The following OR6N1 variants were observed in gnomAD, a reference collection of about 807,000 sequenced individuals.
OR6N1 encodes the protein olfactory receptor family 6 subfamily N member 1.
For missense variants in OR6N1, 394 were observed against 371.7 expected, an observed-to-expected ratio of 1.06 and a Z score of -0.49; for synonymous variants, 170 against 150.7, an observed-to-expected ratio of 1.13 and a Z score of -0.94.
the OR6N1 span, among the ~76,000 whole-genome samples, chr1:158,784,355 G>T: frequency 1.3e-5 from 2 of 152,118 alleles, no homozygotes; most frequent in Admixed American, 6.5e-5. Flanking sequence ...TGTATACATT[G>T]TGTAATAATC....
chr1:158,810,668 C>A, the OR6N1 span, among the ~76,000 whole-genome samples: 17 of 152,132 alleles, frequency 1.1e-4, no homozygotes, highest in Non-Finnish European at 1.9e-4. Context: ...AAATCCAACT[C>A]GTATATCCTT....
the OR6N1 span, among the ~76,000 whole-genome samples, chr1:158,816,637 C>G: frequency 1.3e-5 from 2 of 151,984 alleles, no homozygotes; most frequent in Non-Finnish European, 2.9e-5. Flanking sequence ...CTTCAGTGAG[C>G]CGAGATGTGC....
chr1:158,772,711 A>G (rs1460997109), upstream of OR6N1, among the ~76,000 whole-genome samples: 2 of 152,182 alleles, frequency 1.3e-5, no homozygotes, highest in African/African-American at 4.8e-5. Flanking sequence ...CTCTAGTGTT[A>G]TCTGCTCCGT....
At chr1:158,837,085 C>T in the OR6N1 span, among the ~76,000 whole-genome samples, 2 of 151,770 alleles carry the variant, frequency 1.3e-5, no homozygotes, top group African/African-American at 4.8e-5. Context: ...AAACGTTTAA[C>T]ATTTATTAAC....
chr1:158,826,231 A>G, the OR6N1 span, among the ~76,000 whole-genome samples: 10 of 152,158 alleles, frequency 6.6e-5, no homozygotes, highest in African/African-American at 2.2e-4. Flanking sequence ...CACAGAGTTT[A>G]CCTATATAAC....
the OR6N1 span, among the ~76,000 whole-genome samples, chr1:158,819,289 G>T: frequency 6.6e-6 from 1 of 152,208 alleles, no homozygotes. Flanking sequence ...CCCTTCCCCA[G>T]GCCTGATTAG....
chr1:158,830,573 T>C, the OR6N1 span, among the ~76,000 whole-genome samples: 2 of 152,302 alleles, frequency 1.3e-5, no homozygotes, highest in East Asian at 3.9e-4. Context: ...TATGATACTT[T>C]GTAGTGCACC....
the OR6N1 span, among the ~76,000 whole-genome samples, chr1:158,821,746 T>A: frequency 6.6e-6 from 1 of 152,190 alleles, no homozygotes; most frequent in South Asian, 2.1e-4. Flanking sequence ...TATAATCATG[T>A]CTGAAGGCTT....
At chr1:158,785,510 C>A in the OR6N1 span, among the ~76,000 whole-genome samples, 1 of 148,308 alleles carries the variant, frequency 6.7e-6, no homozygotes, top group Non-Finnish European at 1.5e-5. Flanking sequence ...CCTATAAATT[C>A]TCCTAACAAT....
the OR6N1 span, among the ~76,000 whole-genome samples, chr1:158,820,656 A>T: frequency 6.6e-6 from 1 of 152,198 alleles, no homozygotes. Flanking sequence ...AAGGGCTAAA[A>T]TCCCAAACAG....
At chr1:158,822,295 G>A in the OR6N1 span, among the ~76,000 whole-genome samples, 6 of 152,256 alleles carry the variant, frequency 3.9e-5, no homozygotes, top group African/African-American at 1.4e-4. Flanking sequence ...GCTTTAGGCA[G>A]TATTGCAATT....
the OR6N1 span, among the ~76,000 whole-genome samples, chr1:158,828,220 C>G: frequency 6.6e-6 from 1 of 152,150 alleles, no homozygotes; most frequent in African/African-American, 2.4e-5. Flanking sequence ...ATTTCAAAAC[C>G]CATCATGCCT....
At chr1:158,766,754 C>T (rs1363140266) in intron 1 of OR6N1, 54 bp from the exon 2 acceptor site, 18 of 1,125,562 alleles carry the variant, frequency 1.6e-5, no homozygotes, top group Non-Finnish European at 1.7e-5. Flanking sequence ...AGGGTTCTAA[C>T]AAGAAGGCAA....
the OR6N1 span, among the ~76,000 whole-genome samples, chr1:158,814,101 T>A: frequency 6.6e-5 from 10 of 152,336 alleles, no homozygotes; most frequent in Admixed American, 3.3e-4. Context: ...AAATGCTTCT[T>A]GTCCCGGAAT....
At position 158,764,265 on chromosome 1, in the gene OR6N1, T is replaced by C. The variant is rs971532691; in HGVS notation, c.*1479A>G. 5 of 151,572 alleles carry C rather than the reference T, an allele frequency of 3.3e-5. No homozygotes were observed. The highest frequency in any genetic ancestry group is 3.3e-4 in the Admixed American group (5 of 15,254). 9.4% of individuals were successfully genotyped at this position (151,572 alleles called of 1,614,324 possible). A position where few individuals can be genotyped will look rare whatever the true frequency, so the allele number is the denominator to read the frequency against. On this transcript the variant is annotated 3_prime_UTR_variant, in exon 2 of 2. Transcript: ENST00000641846. ...TGATTATTTAATGTAAAAACATTTA[T>C]CTGCTTAAAATTCTCAATAAACTTC... is the stretch of plus-strand genomic sequence containing the variant.
chr1:158,781,437 T>G, the OR6N1 span, among the ~76,000 whole-genome samples: 1 of 152,296 alleles, frequency 6.6e-6, no homozygotes, highest in Non-Finnish European at 1.5e-5. Context: ...CAGAAAAGTC[T>G]TTCCCAAATG....
At chr1:158,781,598 C>G in the OR6N1 span, among the ~76,000 whole-genome samples, 1 of 152,184 alleles carries the variant, frequency 6.6e-6, no homozygotes, top group Admixed American at 6.5e-5. Flanking sequence ...TTTCTTGACT[C>G]ACCTCCGAAA....
the OR6N1 span, among the ~76,000 whole-genome samples, chr1:158,802,983 G>A: frequency 1.3e-5 from 2 of 151,782 alleles, no homozygotes; most frequent in Non-Finnish European, 2.9e-5. Flanking sequence ...GATGAATAAT[G>A]GAATTACAGC....
the OR6N1 span, chr1:158,777,254 G>A: frequency 1.7e-5 from 28 of 1,613,978 alleles, no homozygotes; most frequent in Admixed American, 1.7e-4. Flanking sequence ...TGGAGGGGCC[G>A]ACAAATGGCC....
Sources: allele counts gnomAD v4.1 joint callset (sites outside exome capture counted in the v4.1 genomes callset), GRCh38; gene constraint gnomAD v4.1.1; transcripts MANE v1.5; gene names NCBI Gene and HGNC (gene_info 2026-07-23, HGNC 2026-07-21).